KLF8: variants seen among roughly 807,000 people sequenced by gnomAD.
KLF8 encodes the protein Krueppel-like factor 8.
Under a neutral mutation model 18.2 loss-of-function variants are expected in KLF8, and 10 were observed. The observed-to-expected ratio is 0.55, with a 90% confidence interval of 0.34 to 0.93. The LOEUF (loss-of-function observed/expected upper bound fraction) is 0.93. KLF8 is among the 40% of genes least tolerant of loss of function. The pLI is 0.02. For missense variants in KLF8, 264 were observed against 277.9 expected, an observed-to-expected ratio of 0.95 and a Z score of 0.36; for synonymous variants, 109 against 97.3, an observed-to-expected ratio of 1.12 and a Z score of -0.71.
chrX:55,909,251 A>G, the KLF8 span, among the ~76,000 whole-genome samples: 3 of 112,231 alleles, frequency 2.7e-5, no homozygotes, highest in Non-Finnish European at 5.6e-5. Flanking sequence ...TGTGGCGAGG[A>G]CAGCTTTTTC....
the KLF8 span, among the ~76,000 whole-genome samples, chrX:56,105,321 G>T: frequency 9.0e-6 from 1 of 111,381 alleles, no homozygotes; most frequent in Non-Finnish European, 1.9e-5. Context: ...GGGTGTTAAA[G>T]TCTCACATTA....
In KLF8 at chrX:56,284,628, C is replaced by T. The variant is rs967444178; in HGVS notation, c.*134C>T. 24 of 461,616 alleles carry T rather than the reference C, an allele frequency of 5.2e-5. No individual in the cohort carries two copies. The African/African-American group carries it at 6.0e-4, about 12-fold the overall frequency. 38.0% of individuals were successfully genotyped at this position (461,616 alleles called of 1,213,427 possible). ...AGCCCACTGAGCCAAGTTGAGGAGACTGGAGGAAAAGAGAGCTGGTCTCCC... is the reference window on the plus strand; with the variant it reads ...AGCCCACTGAGCCAAGTTGAGGAGATTGGAGGAAAAGAGAGCTGGTCTCCC... On this transcript the variant is annotated 3_prime_UTR_variant, in exon 6 of 6. Coordinates refer to ENST00000468660, the MANE Select transcript of KLF8 (RefSeq NM_007250.5).
chrX:56,131,382 T>C, the KLF8 span, among the ~76,000 whole-genome samples: 1 of 111,211 alleles, frequency 9.0e-6, no homozygotes, highest in Non-Finnish European at 1.9e-5. Flanking sequence ...TTTTATCCAG[T>C]GAAAATAAGC....
At chrX:56,158,893 G>A in the KLF8 span, among the ~76,000 whole-genome samples, 1 of 111,212 alleles carries the variant, frequency 9.0e-6, no homozygotes, top group Non-Finnish European at 1.9e-5. Flanking sequence ...TCTCCTGCCT[G>A]ATTGCCCTGG....
the KLF8 span, among the ~76,000 whole-genome samples, chrX:55,914,795 C>A: frequency 1.8e-5 from 2 of 110,921 alleles, no homozygotes; most frequent in Non-Finnish European, 3.8e-5. Context: ...AAGTTGGTGG[C>A]AGGAAAAAAG....
At chrX:56,145,272 A>T in the KLF8 span, among the ~76,000 whole-genome samples, 2 of 112,147 alleles carry the variant, frequency 1.8e-5, no homozygotes, top group Admixed American at 1.9e-4. Context: ...ATAGTGTGAT[A>T]CTACTTCACA....
At chrX:55,970,179 A>AT in the KLF8 span, among the ~76,000 whole-genome samples, 1 of 111,396 alleles carries the variant, frequency 9.0e-6, no homozygotes, top group Non-Finnish European at 1.9e-5. Flanking sequence ...CCTCAACAAC[A>AT]TTAACTAGCA....
chrX:56,017,588 C>A, the KLF8 span, among the ~76,000 whole-genome samples: 1 of 112,026 alleles, frequency 8.9e-6, no homozygotes, highest in Non-Finnish European at 1.9e-5. Context: ...TCCCCCAGTG[C>A]ACTGGATGTA....
the KLF8 span, among the ~76,000 whole-genome samples, chrX:56,050,654 C>T: frequency 3.6e-5 from 4 of 112,094 alleles, no homozygotes; most frequent in East Asian, 5.6e-4. Context: ...AATTTCTGTT[C>T]TTTTACATTT....
At chrX:56,163,423 C>T in the KLF8 span, among the ~76,000 whole-genome samples, 7 of 111,654 alleles carry the variant, frequency 6.3e-5, no homozygotes, top group African/African-American at 2.3e-4. Flanking sequence ...ATGCCCTTTG[C>T]CCACTTTTTA....
chrX:56,064,595 T>C, the KLF8 span, among the ~76,000 whole-genome samples: 1 of 111,696 alleles, frequency 9.0e-6, no homozygotes, highest in East Asian at 2.8e-4. Flanking sequence ...TTTGTTTCTT[T>C]ATTTTTCTCT....
At chrX:56,092,272 T>C in the KLF8 span, among the ~76,000 whole-genome samples, 1 of 112,161 alleles carries the variant, frequency 8.9e-6, no homozygotes, top group Non-Finnish European at 1.9e-5. Flanking sequence ...GTAGATTTTC[T>C]GTTCACTCTG....
the KLF8 span, among the ~76,000 whole-genome samples, chrX:56,184,446 G>A: frequency 8.9e-6 from 1 of 112,676 alleles, no homozygotes; most frequent in South Asian, 3.6e-4. Flanking sequence ...TGGGGGCAAG[G>A]CACAGACAAA....
rs780846937 is a variant in KLF8 at position 56,287,369 on chromosome X, A to G, written c.*2875A>G. The G allele has an allele frequency of 7.1e-5, 8 of 112,363 alleles. No homozygotes were observed. The South Asian group carries it at 2.9e-3, about 41-fold the overall frequency. The allele number at this position is 112,363 out of a possible 1,213,427, so 9.3% of individuals were successfully genotyped here. On this transcript the variant is annotated 3_prime_UTR_variant, in exon 6 of 6. Coordinates refer to ENST00000468660, the MANE Select transcript of KLF8 (RefSeq NM_007250.5). ...TACAGTAATTCAAATATAGCACAGT[A>G]CAGAGTTTACCAAAAACACATAAAA...
At chrX:55,938,396 A>G in the KLF8 span, among the ~76,000 whole-genome samples, 1 of 111,786 alleles carries the variant, frequency 8.9e-6, no homozygotes, top group Non-Finnish European at 1.9e-5. Context: ...GAAAGGAAAA[A>G]CCAGTACCAG....
chrX:56,019,983 G>T, the KLF8 span, among the ~76,000 whole-genome samples: 1 of 111,655 alleles, frequency 9.0e-6, no homozygotes, highest in South Asian at 3.7e-4. Flanking sequence ...GTGACAGAAG[G>T]CCACAATGAT....
At chrX:56,159,400 A>G in the KLF8 span, among the ~76,000 whole-genome samples, 1 of 112,718 alleles carries the variant, frequency 8.9e-6, no homozygotes, top group Non-Finnish European at 1.9e-5. Flanking sequence ...TGCTGGCCTC[A>G]TAAAATGAGT....
At chrX:55,996,459 C>T in the KLF8 span, among the ~76,000 whole-genome samples, 2 of 111,810 alleles carry the variant, frequency 1.8e-5, no homozygotes, top group Non-Finnish European at 3.8e-5. Context: ...CATCAGAATT[C>T]TTATGCTAGT....
chrX:55,942,859 C>T, the KLF8 span, among the ~76,000 whole-genome samples: 1 of 111,950 alleles, frequency 8.9e-6, no homozygotes, highest in Admixed American at 9.5e-5. Context: ...GGTGCATAGT[C>T]ATCAAGTAAT....
Sources: allele counts gnomAD v4.1 joint callset (sites outside exome capture counted in the v4.1 genomes callset), GRCh38; gene constraint gnomAD v4.1.1; transcripts MANE v1.5; gene names NCBI Gene and HGNC (gene_info 2026-07-23, HGNC 2026-07-21).